Variants in CCNE2 observed in about 807,000 individuals in gnomAD.
CCNE2 encodes the protein cyclin E2.
Under a neutral mutation model 56.8 loss-of-function variants are expected in CCNE2, and 18 were observed. That is an observed-to-expected ratio of 0.32 (90% CI 0.22 to 0.47). CCNE2 has a LOEUF of 0.47. Ranked by LOEUF, CCNE2 falls within the 20% of genes least tolerant of loss-of-function variation. CCNE2 has a pLI of 1.00. For synonymous variants in CCNE2, 139 were observed against 149.2 expected (o/e 0.93, Z 0.50); for missense variants, 371 against 467.1 (o/e 0.79, Z 1.90).
At position 94,881,396 on chromosome 8, in the gene CCNE2, G is replaced by A; in HGVS notation, c.*236C>T. 1 of 528,618 alleles carries A rather than the reference G, an allele frequency of 1.9e-6. No homozygotes were observed. Among genetic ancestry groups the A allele is most frequent in the South Asian group, 2.8e-5 (1 of 35,702 alleles). The allele number at this position is 528,618 out of a possible 1,614,324, so 32.7% of individuals were successfully genotyped here. On this transcript the variant is annotated 3_prime_UTR_variant, in exon 12 of 12. Coordinates refer to ENST00000308108, the MANE Select transcript of CCNE2 (RefSeq NM_057749.3). ...GGTTGGCTTCTATCCAGTAACCTTGGGAATGAAGACATCTTTGTAAACAAG... is the reference window on the plus strand; with the variant it reads ...GGTTGGCTTCTATCCAGTAACCTTGAGAATGAAGACATCTTTGTAAACAAG...
At position 94,881,707 on chromosome 8, in the gene CCNE2, TC is replaced by T; in HGVS notation, c.1139del (p.Gly380AspfsTer12). The stretch of plus-strand genomic sequence containing the variant: ...CTCCATTGCACACTGGTGACAACTG[TC>T]CCCCTTTTCTGAAGGTGTTTATGTA... ...VNYINTFRKG[G>X]QLSPVCNGGI... On this transcript the variant is annotated frameshift_variant, in exon 12 of 12. Transcript: ENST00000308108. LOFTEE classifies it high-confidence loss of function. 1 of 1,613,816 alleles carries T rather than the reference TC, an allele frequency of 6.2e-7. No homozygotes were observed. Among genetic ancestry groups the T allele is most frequent in the Non-Finnish European group, 8.5e-7 (1 of 1,179,768 alleles).
At chr8:94,892,392 C>G (rs1055853912) in intron 5 of CCNE2, among the ~76,000 whole-genome samples, 2 of 152,136 alleles carry the variant, frequency 1.3e-5, no homozygotes, top group African/African-American at 4.8e-5. Context: ...CTCTTAGTTA[C>G]ACTCATGGAC....
intron 5 of CCNE2, chr8:94,891,561 G>C: frequency 2.9e-6 from 1 of 345,030 alleles, no homozygotes; most frequent in South Asian, 2.4e-5. Context: ...AGGAGGCTGA[G>C]GCAGGAGAAT....
In CCNE2 at chr8:94,880,730, C is replaced by T. The variant is rs539099077; in HGVS notation, c.*902G>A. 1.0e-5 allele frequency: 4 copies of T among 396,048 alleles called. No individual in the cohort carries two copies. The highest frequency in any genetic ancestry group is 6.2e-5 in the African/African-American group (3 of 48,410). The allele number at this position is 396,048 out of a possible 1,614,324, so 24.5% of individuals were successfully genotyped here. A position where few individuals can be genotyped will look rare whatever the true frequency, so the allele number is the denominator to read the frequency against. ...AATTTAGAAAGGACCTTAACAGTTT[C>T]ACAAACATAAATAAAGCCTTAGTCA... On this transcript the variant is annotated 3_prime_UTR_variant, in exon 12 of 12. Coordinates refer to ENST00000308108, the MANE Select transcript of CCNE2 (RefSeq NM_057749.3).
chr8:94,889,029 T>C (rs1586552784), intron 6 of CCNE2, among the ~76,000 whole-genome samples: 4 of 151,978 alleles, frequency 2.6e-5, no homozygotes, highest in African/African-American at 9.7e-5. Flanking sequence ...GCGCCTGTAA[T>C]CCCAGCTATG....
chr8:94,890,583 A>ATG (rs1385329040), intron 5 of CCNE2, 33 bp from the exon 6 acceptor site: 2 of 601,914 alleles, frequency 3.3e-6, no homozygotes, highest in Non-Finnish European at 2.1e-6. Flanking sequence ...CCATATATAT[A>ATG]TATATATATT....
At chr8:94,894,388 T>TA in intron 1 of CCNE2, 141 bp from the exon 2 acceptor site, 1 of 712,438 alleles carries the variant, frequency 1.4e-6, no homozygotes, top group South Asian at 1.7e-5. Flanking sequence ...TCTTCTGTGC[T>TA]ATGTTAGCTA....
At chr8:94,889,954 G>A (rs1340182484) in intron 6 of CCNE2, among the ~76,000 whole-genome samples, 1 of 152,174 alleles carries the variant, frequency 6.6e-6, no homozygotes, top group African/African-American at 2.4e-5. Flanking sequence ...GGACAATAGA[G>A]GGCGTAGAGC....
At chr8:94,882,671 T>A in intron 10 of CCNE2, 110 bp downstream of exon 10, 1 of 744,016 alleles carries the variant, frequency 1.3e-6, no homozygotes, top group Non-Finnish European at 2.3e-6. Context: ...CAGCTAATTT[T>A]TTTTTTGCCA....
chr8:94,889,297 AAGAT>A (rs1194412501), intron 6 of CCNE2, among the ~76,000 whole-genome samples: 10 of 152,242 alleles, frequency 6.6e-5, no homozygotes, highest in African/African-American at 2.2e-4. Context: ...AGAATACACT[AAGAT>A]AGAGTTTAAC....
intron 7 of CCNE2, among the ~76,000 whole-genome samples, chr8:94,886,342 A>G (rs2131106321): frequency 6.6e-6 from 1 of 152,344 alleles, no homozygotes; most frequent in Admixed American, 6.5e-5. Context: ...CAACTAGAAT[A>G]TGTCATTTCA....
Position 94,891,607 on chromosome 8 carries a change from G to C in CCNE2, c.318-1057C>G, listed in dbSNP as rs550640927. On this transcript the variant is annotated intron_variant, in intron 5 of 11. Transcript: ENST00000308108. The stretch of plus-strand genomic sequence containing the variant: ...CAGGAGGTGGAGGTTGCAGTGAGCC[G>C]AGATCGTGCCACTGCACTCCAGCCT... 7 of 396,284 alleles carry C rather than the reference G, an allele frequency of 1.8e-5. No individual in the cohort carries two copies. In the East Asian group the frequency reaches 2.4e-4, roughly 14 times the overall value. 24.5% of individuals were successfully genotyped at this position (396,284 alleles called of 1,614,324 possible). A position where few individuals can be genotyped will look rare whatever the true frequency, so the allele number is the denominator to read the frequency against.
chr8:94,895,452 C>T (rs1302374569), upstream of CCNE2, among the ~76,000 whole-genome samples: 5 of 152,302 alleles, frequency 3.3e-5, no homozygotes, highest in East Asian at 9.7e-4. Context: ...CTCTCAGGGG[C>T]TCCTTCTCCG....
chr8:94,891,601 T>C, intron 5 of CCNE2: 1 of 377,478 alleles, frequency 2.6e-6, no homozygotes, highest in Non-Finnish European at 4.9e-6. Flanking sequence ...GAGGTTGCAG[T>C]GAGCCGAGAT....
intron 1 of CCNE2, 149 bp from the exon 2 acceptor site, chr8:94,894,396 C>CTA (rs1817379095): frequency 2.9e-6 from 2 of 692,672 alleles, no homozygotes; most frequent in Admixed American, 5.2e-5. Context: ...GCTATGTTAG[C>CTA]TAGCTCATGG....
chr8:94,884,238 C>T (rs1816944956), intron 9 of CCNE2, among the ~76,000 whole-genome samples: 2 of 152,038 alleles, frequency 1.3e-5, no homozygotes, highest in South Asian at 2.1e-4. Context: ...TTTCACATCC[C>T]ACATAGAATA....
chr8:94,882,299 T>A lies in CCNE2; in HGVS notation c.944-10A>T. On this transcript the variant is annotated splice_polypyrimidine_tract_variant and intron_variant, in intron 10 of 11. Coordinates refer to ENST00000308108, the MANE Select transcript of CCNE2 (RefSeq NM_057749.3). ...CTGTCCCACTCCAAACCTAGATAGA[T>A]AGAAAAAAGTTAGAAAAGCATGAAG... 1 of 1,575,556 alleles carries A rather than the reference T, an allele frequency of 6.3e-7. No homozygotes were observed. Among genetic ancestry groups the A allele is most frequent in the Non-Finnish European group, 8.6e-7 (1 of 1,161,868 alleles).
chr8:94,882,052 G>T, intron 11 of CCNE2, 80 bp downstream of exon 11: 1 of 1,331,792 alleles, frequency 7.5e-7, no homozygotes, highest in Admixed American at 2.3e-5. Context: ...CTGCCTGAAG[G>T]AGTACTCTAT....
intron 1 of CCNE2, chr8:94,894,526 C>CAA (rs994223457): frequency 3.4e-5 from 14 of 416,098 alleles, no homozygotes; most frequent in Non-Finnish European, 5.2e-5. Context: ...ACATCTTCCT[C>CAA]AAACGGGTTT....
Sources: gnomAD v4.1 joint callset for allele counts (sites outside exome capture counted in the v4.1 genomes callset) on GRCh38, gnomAD v4.1.1 for gene constraint, MANE v1.5 for transcripts, NCBI Gene and HGNC (gene_info 2026-07-23, HGNC 2026-07-21) for gene names.